Variants in PCCA observed in about 807,000 individuals in gnomAD.
The protein encoded by PCCA is propionyl-CoA carboxylase alpha chain, mitochondrial.
A neutral mutation model predicts 101.3 loss-of-function variants in PCCA; 74 were observed. The observed-to-expected ratio is 0.73, with a 90% confidence interval of 0.61 to 0.89. The LOEUF (loss-of-function observed/expected upper bound fraction) is 0.89. PCCA is among the 40% of genes least tolerant of loss of function. PCCA has a pLI of 0.00. For missense variants in PCCA, 891 were observed against 907.0 expected, an observed-to-expected ratio of 0.98 and a Z score of 0.23; for synonymous variants, 294 against 313.6, an observed-to-expected ratio of 0.94 and a Z score of 0.66.
chr13:100,380,573 T>C (rs1410318688), intron 19 of PCCA, among the ~76,000 whole-genome samples: 1 of 152,110 alleles, frequency 6.6e-6, no homozygotes, highest in Non-Finnish European at 1.5e-5. Flanking sequence ...GCCAAAATAA[T>C]TCAATGGTAA....
intron 19 of PCCA, among the ~76,000 whole-genome samples, chr13:100,422,062 CTCTTTTCTTTTCTTTCTTTCT>C (rs1370558445): frequency 3.6e-5 from 2 of 56,200 alleles, no homozygotes; most frequent in East Asian, 1.1e-3. Flanking sequence ...CTTTTCTCTT[CTCTTTTCTTTTCTTTCTTTCT>C]TTCTTTCTTT....
rs1224037636 is a variant in PCCA at position 100,330,568 on chromosome 13, A to G, written c.1437A>G (p.Thr479=). 1 of 1,590,466 alleles carries G rather than the reference A, an allele frequency of 6.3e-7. No homozygotes were observed. Among genetic ancestry groups the G allele is most frequent in the African/African-American group, 1.3e-5 (1 of 74,510 alleles). ...ALDNYVIRGV[T]HNIALLREVI... ...ATATCATTTTACTTTTAGGTGTTAC[A>G]CATAATATTGCATTACTTCGAGAGG... is the stretch of plus-strand genomic sequence containing the variant. The change falls in exon 17 of 24, where the codon ACA becomes ACG. Residue 479 remains threonine (T), a synonymous_variant. Coordinates refer to ENST00000376285, the MANE Select transcript of PCCA (RefSeq NM_000282.4).
chr13:100,245,419 A>G (rs961746323), intron 8 of PCCA, among the ~76,000 whole-genome samples: 3 of 152,212 alleles, frequency 2.0e-5, no homozygotes, highest in Admixed American at 1.3e-4. Context: ...GACCTCGACT[A>G]TACCACATTT....
At chr13:100,501,350 A>G (rs2085653757) in intron 21 of PCCA, among the ~76,000 whole-genome samples, 1 of 152,190 alleles carries the variant, frequency 6.6e-6, no homozygotes, top group African/African-American at 2.4e-5. Flanking sequence ...GTAATTTCTC[A>G]TCATCCACCC....
chr13:100,432,117 C>A (rs1013546957), intron 20 of PCCA, among the ~76,000 whole-genome samples: 1 of 151,838 alleles, frequency 6.6e-6, no homozygotes, highest in East Asian at 1.9e-4. Context: ...TGCACTCCAG[C>A]CTGGGCAACA....
At chr13:100,106,878 A>C (rs1211439578) in intron 2 of PCCA, among the ~76,000 whole-genome samples, 1 of 152,180 alleles carries the variant, frequency 6.6e-6, no homozygotes, top group African/African-American at 2.4e-5. Flanking sequence ...CTGTGGAGAA[A>C]CTGTGTTTCC....
At chr13:100,530,043 G>T (rs2088281392) in intron 23 of PCCA, 55 bp from the exon 24 acceptor site, 1 of 1,367,410 alleles carries the variant, frequency 7.3e-7, no homozygotes, top group Non-Finnish European at 1.0e-6. Flanking sequence ...GCCGCCTCTT[G>T]GTTCTGGTTA....
At chr13:100,451,550 C>A (rs575426590) in intron 21 of PCCA, among the ~76,000 whole-genome samples, 51 of 152,234 alleles carry the variant, frequency 3.4e-4, no homozygotes, top group Non-Finnish European at 6.2e-4. Flanking sequence ...TGCTACTTAG[C>A]ATCTCTACTG....
Position 100,340,392 on chromosome 13 carries a change from A to G in PCCA, c.1643+133A>G, listed in dbSNP as rs1252676089. On this transcript the variant is annotated intron_variant, in intron 18 of 23. Coordinates refer to ENST00000376285, the MANE Select transcript of PCCA (RefSeq NM_000282.4). ...TTATGGGTCTTTGGAGAAGTATAAT[A>G]AAGTCACACTGTATAAATATGATAT... The G allele has an allele frequency of 8.7e-6, 6 of 691,888 alleles. No individual in the cohort carries two copies. The Admixed American group carries it at 1.2e-4, about 14-fold the overall frequency. 42.9% of individuals were successfully genotyped at this position (691,888 alleles called of 1,614,324 possible).
At chr13:100,373,196 A>G (rs2075684667) in intron 19 of PCCA, among the ~76,000 whole-genome samples, 1 of 152,242 alleles carries the variant, frequency 6.6e-6, no homozygotes, top group Non-Finnish European at 1.5e-5. Flanking sequence ...GCTCAATATC[A>G]CTAATCATTA....
At chr13:100,089,614 C>A (rs1313772344) in intron 1 of PCCA, among the ~76,000 whole-genome samples, 1 of 152,222 alleles carries the variant, frequency 6.6e-6, no homozygotes, top group Non-Finnish European at 1.5e-5. Context: ...TTTCCGTGTT[C>A]TGTTGCCTCT....
At chr13:100,292,628 T>G (rs2065215670) in intron 12 of PCCA, among the ~76,000 whole-genome samples, 1 of 152,232 alleles carries the variant, frequency 6.6e-6, no homozygotes, top group Admixed American at 6.5e-5. Flanking sequence ...ACTATTGTCA[T>G]TAATATAAAG....
chr13:100,142,109 TTTCTC>T (rs1294244424), intron 4 of PCCA, among the ~76,000 whole-genome samples: 1 of 152,150 alleles, frequency 6.6e-6, no homozygotes, highest in African/African-American at 2.4e-5. Flanking sequence ...TCTCTAGTCT[TTTCTC>T]TTCTGAGGGC....
intron 18 of PCCA, among the ~76,000 whole-genome samples, chr13:100,364,657 T>TA (rs2074985897): frequency 6.6e-6 from 1 of 152,228 alleles, no homozygotes; most frequent in African/African-American, 2.4e-5. Context: ...AGAGTGAACT[T>TA]ACAAATAGAT....
intron 19 of PCCA, among the ~76,000 whole-genome samples, chr13:100,369,759 G>A (rs2075444666): frequency 6.6e-6 from 1 of 152,202 alleles, no homozygotes; most frequent in African/African-American, 2.4e-5. Flanking sequence ...GATCTTGTGT[G>A]ACTCTCTACA....
chr13:100,240,046 A>C (rs9557402), intron 8 of PCCA, among the ~76,000 whole-genome samples: 1 of 151,906 alleles, frequency 6.6e-6, no homozygotes, highest in African/African-American at 2.4e-5. Context: ...CCTCCAAACT[A>C]CTTTTGTCTT....
At chr13:100,447,465 A>G (rs1281853563) in intron 20 of PCCA, among the ~76,000 whole-genome samples, 4 of 152,156 alleles carry the variant, frequency 2.6e-5, no homozygotes, top group East Asian at 1.9e-4. Context: ...TGAGGCCAGG[A>G]GTTCGAGACC....
At chr13:100,493,809 C>G (rs1316374556) in intron 21 of PCCA, among the ~76,000 whole-genome samples, 2 of 152,224 alleles carry the variant, frequency 1.3e-5, no homozygotes, top group African/African-American at 4.8e-5. Context: ...ACCTCCCTCC[C>G]TCCCAACTTG....
chr13:100,394,613 A>T lies in PCCA; in HGVS notation c.1746+26039A>T, dbSNP rs1318523665. 6.6e-6 allele frequency among the ~76,000 whole-genome samples: 1 copy of T among 152,200 alleles called. No homozygotes were observed. Among genetic ancestry groups the T allele is most frequent in the African/African-American group, 2.4e-5 (1 of 41,438 alleles). On this transcript the variant is annotated intron_variant, in intron 19 of 23. Transcript: ENST00000376285. This position sits in a 1 kb window ranked among gnomAD's most constrained non-coding sequence, Gnocchi z 4.3. ...TGTTTCAGAAGCTTATATTAACCAC[A>T]AAAACAAAGTGAATCAACTAACAAG... is the stretch of plus-strand genomic sequence containing the variant.
Sources: gnomAD v4.1 joint callset for allele counts (sites outside exome capture counted in the v4.1 genomes callset) on GRCh38, gnomAD v4.1.1 for gene constraint, Gnocchi (gnomAD v3.1) non-coding constraint, MANE v1.5 for transcripts, NCBI Gene and HGNC (gene_info 2026-07-23, HGNC 2026-07-21) for gene names.